SMC3: variants seen among roughly 807,000 people sequenced by gnomAD.
SMC3 encodes the protein structural maintenance of chromosomes protein 3.
In SMC3, 20 loss-of-function variants were observed where a neutral mutation model predicts 171.8. The ratio of observed to expected loss-of-function variants is 0.12; its 90% CI spans 0.08 to 0.17. SMC3 has a LOEUF of 0.17. Among genes scored for constraint, SMC3 ranks in the 10% least tolerant of loss-of-function variants. SMC3 has a pLI of 1.00. For missense variants in SMC3, 543 were observed against 1,420.4 expected (o/e 0.38, Z 9.93); for synonymous variants, 464 against 451.1 (o/e 1.03, Z -0.36).
intron 20 of SMC3, 61 bp from the exon 21 acceptor site, chr10:110,599,593 A>AT: frequency 6.8e-7 from 1 of 1,479,912 alleles, no homozygotes; most frequent in Non-Finnish European, 9.2e-7. Context: ...TTGTTTTAAA[A>AT]TTTTCACTAT....
chr10:110,574,282 TA>T (rs1860914839), intron 3 of SMC3, among the ~76,000 whole-genome samples: 2 of 152,222 alleles, frequency 1.3e-5, no homozygotes, highest in African/African-American at 4.8e-5. Context: ...TTGAAGATAG[TA>T]AATAGAGCTT....
chr10:110,577,363 T>C, intron 4 of SMC3, 58 bp from the exon 5 acceptor site: 1 of 1,304,644 alleles, frequency 7.7e-7, no homozygotes, highest in Non-Finnish European at 1.1e-6. Context: ...TTAAGAATCC[T>C]TTAAAGGATA....
At position 110,583,319 on chromosome 10, in the gene SMC3, A is replaced by G. The variant is rs567650011; in HGVS notation, c.805-65A>G. 24 of 1,259,206 alleles carry G rather than the reference A, an allele frequency of 1.9e-5. No individual in the cohort carries two copies. The African/African-American group carries it at 3.4e-4, about 18-fold the overall frequency. The allele number at this position is 1,259,206 out of a possible 1,614,324, so 78.0% of individuals were successfully genotyped here. A position where few individuals can be genotyped will look rare whatever the true frequency, so the allele number is the denominator to read the frequency against. Reference sequence around the variant, plus strand: ...CTAAACATTAAGTGAAAGAGAATTAATGGTGTCACAATTCTGCTATTGTAC... The same window carrying G: ...CTAAACATTAAGTGAAAGAGAATTAGTGGTGTCACAATTCTGCTATTGTAC... On this transcript the variant is annotated intron_variant, in intron 10 of 28. Coordinates refer to ENST00000361804, the MANE Select transcript of SMC3 (RefSeq NM_005445.4).
chr10:110,580,789 C>T lies in SMC3; in HGVS notation c.430-115C>T, dbSNP rs1861018967. ...ATCTGTAACACTTCTGGTTTCTAACCATTTTGCATAAGGGATACCCAACCT... is the reference window on the plus strand; with the variant it reads ...ATCTGTAACACTTCTGGTTTCTAACTATTTTGCATAAGGGATACCCAACCT... On this transcript the variant is annotated intron_variant, in intron 7 of 28. Coordinates refer to ENST00000361804, the MANE Select transcript of SMC3 (RefSeq NM_005445.4). 3 of 735,262 alleles carry T rather than the reference C, an allele frequency of 4.1e-6. No individual in the cohort carries two copies. The South Asian group carries it at 4.5e-5, about 11-fold the overall frequency. 45.5% of individuals were successfully genotyped at this position (735,262 alleles called of 1,614,324 possible).
At chr10:110,594,125 A>C (rs1049686685) in intron 18 of SMC3, among the ~76,000 whole-genome samples, 1 of 151,528 alleles carries the variant, frequency 6.6e-6, no homozygotes, top group Non-Finnish European at 1.5e-5. Flanking sequence ...AGGGGTTCTT[A>C]ACCTTTTTTG....
intron 20 of SMC3, among the ~76,000 whole-genome samples, chr10:110,598,681 C>T (rs925656692): frequency 2.6e-5 from 4 of 152,148 alleles, no homozygotes; most frequent in Non-Finnish European, 4.4e-5. Flanking sequence ...GCTGGGATTA[C>T]AAGTGTGAGC....
chr10:110,601,606 T>A (rs773753694), intron 23 of SMC3, 31 bp from the exon 24 acceptor site: 5 of 1,604,398 alleles, frequency 3.1e-6, no homozygotes, highest in Non-Finnish European at 3.4e-6. Flanking sequence ...TTATAGGTAT[T>A]ATAGCCTAAT....
At chr10:110,580,779 G>C (rs573244137) in intron 7 of SMC3, 125 bp from the exon 8 acceptor site, 3 of 722,070 alleles carry the variant, frequency 4.2e-6, no homozygotes, top group Non-Finnish European at 5.0e-6. Context: ...TAACACTTCT[G>C]GTTTCTAACC....
chr10:110,588,349 A>G (rs1037009983), intron 13 of SMC3, among the ~76,000 whole-genome samples: 1 of 152,218 alleles, frequency 6.6e-6, no homozygotes, highest in Admixed American at 6.5e-5. Flanking sequence ...ATTAGTAGTA[A>G]CATTGACTTT....
At chr10:110,574,299 A>G in intron 3 of SMC3, among the ~76,000 whole-genome samples, 1 of 152,236 alleles carries the variant, frequency 6.6e-6, no homozygotes, top group Non-Finnish European at 1.5e-5. Context: ...AGCTTCAAAA[A>G]TTCTCTCTAA....
In SMC3 at chr10:110,602,460, GCTTTT is replaced by G; in HGVS notation, c.3106-13_3106-9del. ...CTAAGCAAAATTTATATTTCAATCTGCTTTTGTTTTAAGGTATCTAAGAACTTCAG... is the reference window on the plus strand; with the variant it reads ...CTAAGCAAAATTTATATTTCAATCTGGTTTTAAGGTATCTAAGAACTTCAG... On this transcript the variant is annotated splice_polypyrimidine_tract_variant and intron_variant, in intron 25 of 28. Transcript: ENST00000361804. 1 of 1,604,230 alleles carries G rather than the reference GCTTTT, an allele frequency of 6.2e-7. No homozygotes were observed. The highest frequency in any genetic ancestry group is 1.1e-5 in the South Asian group (1 of 90,792).
Position 110,599,652 on chromosome 10 carries a change from A to G in SMC3, c.2269-2A>G. 6.2e-7 allele frequency: 1 copy of G among 1,613,404 alleles called. No individual in the cohort carries two copies. Among genetic ancestry groups the G allele is most frequent in the Non-Finnish European group, 8.5e-7 (1 of 1,179,420 alleles). On this transcript the variant is annotated splice_acceptor_variant, in intron 20 of 28. Coordinates refer to ENST00000361804, the MANE Select transcript of SMC3 (RefSeq NM_005445.4). LOFTEE classifies it high-confidence loss of function. ...TACTAATAAATGGATAATGTCATAT[A>G]GCAACGTAGCTTACAGAGTTTGGAG...
chr10:110,585,183 T>A (rs548806031), intron 13 of SMC3, among the ~76,000 whole-genome samples: 246 of 152,078 alleles, frequency 1.6e-3, no homozygotes, highest in Non-Finnish European at 2.5e-3. Flanking sequence ...TTTCTCCATG[T>A]TGGTCAGGCT....
At chr10:110,590,759 T>TTAAAAGA (rs1861193762) in intron 16 of SMC3, among the ~76,000 whole-genome samples, 187 bp downstream of exon 16, 1 of 152,264 alleles carries the variant, frequency 6.6e-6, no homozygotes, top group African/African-American at 2.4e-5. Flanking sequence ...TTTCCTCTTT[T>TTAAAAGA]GGGAGTTTCT....
At chr10:110,569,355 C>T (rs184883580) in intron 2 of SMC3, among the ~76,000 whole-genome samples, 1 of 152,030 alleles carries the variant, frequency 6.6e-6, no homozygotes, top group African/African-American at 2.4e-5. Flanking sequence ...AATTTTTATT[C>T]ACAAAGTAGA....
chr10:110,581,061 A>T, intron 8 of SMC3, 40 bp downstream of exon 8: 1 of 1,140,864 alleles, frequency 8.8e-7, no homozygotes, highest in Non-Finnish European at 1.3e-6. Context: ...TTTGTTGCAA[A>T]TTACTGTTTT....
chr10:110,595,489 TCC>T (rs1861285209), intron 18 of SMC3, among the ~76,000 whole-genome samples: 2 of 152,234 alleles, frequency 1.3e-5, no homozygotes, highest in African/African-American at 4.8e-5. Flanking sequence ...TGCAGATCTC[TCC>T]GTTGTAAAGG....
At chr10:110,582,711 C>T (rs1216909878) in intron 10 of SMC3, 69 bp downstream of exon 10, 1 of 1,200,984 alleles carries the variant, frequency 8.3e-7, no homozygotes, top group Non-Finnish European at 1.2e-6. Flanking sequence ...TTCTGTCATC[C>T]AGGCTGGAGT....
At chr10:110,575,674 A>G (rs1860936115) in intron 4 of SMC3, among the ~76,000 whole-genome samples, 1 of 152,206 alleles carries the variant, frequency 6.6e-6, no homozygotes, top group South Asian at 2.1e-4. Flanking sequence ...AGGAGACATG[A>G]TATATATCAT....
Sources: allele counts gnomAD v4.1 joint callset (sites outside exome capture counted in the v4.1 genomes callset), GRCh38; gene constraint gnomAD v4.1.1; transcripts MANE v1.5; gene names NCBI Gene and HGNC (gene_info 2026-07-23, HGNC 2026-07-21).